The following GTPBP4 variants were observed in gnomAD, a reference collection of about 807,000 sequenced individuals.
GTPBP4 encodes GTP-binding protein 4.
Under a neutral mutation model 81.7 loss-of-function variants are expected in GTPBP4, and 15 were observed. The ratio of observed to expected loss-of-function variants is 0.18; its 90% confidence interval spans 0.12 to 0.28. The LOEUF (loss-of-function observed/expected upper bound fraction) is 0.28, where lower values mean the gene tolerates loss of function less well. Ranked by LOEUF, GTPBP4 falls within the 10% of genes least tolerant of loss-of-function variation. The pLI is 1.00. For missense variants in GTPBP4, 847 were observed against 793.8 expected (o/e 1.07, Z -0.81); for synonymous variants, 272 against 274.6 (o/e 0.99, Z 0.09).
intron 1 of GTPBP4, among the ~76,000 whole-genome samples, chr10:990,219 T>C (rs958387389): frequency 2.6e-5 from 4 of 152,200 alleles, no homozygotes; most frequent in African/African-American, 9.7e-5. Flanking sequence ...GAGTGAGATT[T>C]ATATTTTTAG....
In GTPBP4 at chr10:1,015,803, A is replaced by G; in HGVS notation, c.1659A>G (p.Arg553=). The G allele has an allele frequency of 6.2e-7, 1 of 1,614,158 alleles. No homozygotes were observed. Among genetic ancestry groups the G allele is most frequent in the Non-Finnish European group, 8.5e-7 (1 of 1,179,978 alleles). The part of the protein sequence containing the change: ...ARRSRSITRK[R]KREDSAPPSS... ...GATCCCGGAGCATCACTAGGAAAAG[A>G]AAGCGGGAAGACTCTGCTCCCCCGT... Residue 553 remains arginine, a synonymous_variant, in exon 16 of 17, where the codon AGA becomes AGG. Coordinates refer to ENST00000360803, the MANE Select transcript of GTPBP4 (RefSeq NM_012341.3).
At position 1,018,923 on chromosome 10, in the gene GTPBP4, A is replaced by G. The variant is rs1003508138; in HGVS notation, c.*1696A>G. 1 of 152,378 alleles carries G rather than the reference A, an allele frequency of 6.6e-6. No individual in the cohort carries two copies. The highest frequency in any genetic ancestry group is 1.5e-5 in the Non-Finnish European group (1 of 68,178). The allele number at this position is 152,378 out of a possible 1,614,324, so 9.4% of individuals were successfully genotyped here. A position where few individuals can be genotyped will look rare whatever the true frequency, so the allele number is the denominator to read the frequency against. The stretch of plus-strand genomic sequence containing the variant: ...AACAACAGTATGTTTTAAAGCAAGT[A>G]TGTCTTTATTTGTAAGCATATTACT... On this transcript the variant is annotated 3_prime_UTR_variant, in exon 17 of 17. Coordinates refer to ENST00000360803, the MANE Select transcript of GTPBP4 (RefSeq NM_012341.3).
Position 992,610 on chromosome 10 carries a change from A to G in GTPBP4, c.170A>G (p.Asn57Ser). 8.7e-6 allele frequency: 14 copies of G among 1,607,186 alleles called. No homozygotes were observed. Among genetic ancestry groups the G allele is most frequent in the Non-Finnish European group, 1.2e-5 (14 of 1,174,188 alleles). The stretch of plus-strand genomic sequence containing the variant: ...AGAAAAGTCAAATTTACTCAACAGA[A>G]TTACCATGATAGACTTTCACAAATT... ...YMRKVKFTQQ[N>S]YHDRLSQILT... The change falls in exon 2 of 17, where the codon AAT becomes AGT. Residue 57 changes from asparagine (N) to serine (S), a missense_variant. This residue lies in a region of GTPBP4 where 241 missense variants were observed against 216.3 expected (regional missense o/e 1.11). Coordinates refer to ENST00000360803, the MANE Select transcript of GTPBP4 (RefSeq NM_012341.3).
intron 1 of GTPBP4, among the ~76,000 whole-genome samples, chr10:989,611 C>G (rs1004954588): frequency 6.6e-6 from 1 of 152,202 alleles, no homozygotes; most frequent in Non-Finnish European, 1.5e-5. Context: ...ACGGGATGAG[C>G]TTGCCTTGGA....
intron 10 of GTPBP4, 133 bp downstream of exon 10, chr10:1,007,261 C>T (rs1831758992): frequency 1.6e-6 from 1 of 609,608 alleles, no homozygotes; most frequent in African/African-American, 1.8e-5. Flanking sequence ...TCAGTTTCAC[C>T]TTCTTGCTTA....
intron 10 of GTPBP4, chr10:1,008,089 G>A (rs1266231073): frequency 4.4e-6 from 2 of 455,556 alleles, no homozygotes; most frequent in Non-Finnish European, 8.8e-6. Flanking sequence ...ACATAGAAAG[G>A]CTTACCATTC....
chr10:1,016,286 G>A (rs1414438424), intron 16 of GTPBP4, among the ~76,000 whole-genome samples: 1 of 152,224 alleles, frequency 6.6e-6, no homozygotes, highest in Non-Finnish European at 1.5e-5. Flanking sequence ...GTTGATTGGC[G>A]GGTGATCCTG....
chr10:991,624 G>A (rs1422982966), intron 1 of GTPBP4, among the ~76,000 whole-genome samples: 1 of 149,098 alleles, frequency 6.7e-6, no homozygotes, highest in Non-Finnish European at 1.5e-5. Flanking sequence ...GATTATTTAA[G>A]TTTCAAAGGT....
intron 2 of GTPBP4, among the ~76,000 whole-genome samples, chr10:994,463 G>T (rs1375681675): frequency 4.0e-5 from 6 of 151,822 alleles, no homozygotes; most frequent in African/African-American, 1.5e-4. Flanking sequence ...TAGAGACGAG[G>T]TTTCTCCATG....
chr10:998,026 G>C (rs1589024760), intron 5 of GTPBP4, among the ~76,000 whole-genome samples: 1 of 152,076 alleles, frequency 6.6e-6, no homozygotes, highest in South Asian at 2.1e-4. Context: ...CCAAGAAAAT[G>C]GTCAAATTTT....
chr10:989,954 C>T (rs1294275388), intron 1 of GTPBP4, among the ~76,000 whole-genome samples: 4 of 152,162 alleles, frequency 2.6e-5, no homozygotes, highest in African/African-American at 9.7e-5. Context: ...CCAGACTGGT[C>T]TTGAACTCCT....
Position 1,005,921 on chromosome 10 carries a change from TAAGTC to T in GTPBP4, c.1002+16_1002+20del, listed in dbSNP as rs753475104. Reference sequence around the variant, plus strand: ...GTTAAAACAGAGGTCAGTGCTGCCTTAAGTCAGGTATTAGTCTTTTTACTGTCTCT... The same window carrying T: ...GTTAAAACAGAGGTCAGTGCTGCCTTAGGTATTAGTCTTTTTACTGTCTCT... On this transcript the variant is annotated intron_variant, in intron 9 of 16. Transcript: ENST00000360803. The T allele has an allele frequency of 3.0e-6, 4 of 1,330,088 alleles. No homozygotes were observed. The Admixed American group carries it at 8.2e-5, about 27-fold the overall frequency. 82.4% of individuals were successfully genotyped at this position (1,330,088 alleles called of 1,614,324 possible). A position where few individuals can be genotyped will look rare whatever the true frequency, so the allele number is the denominator to read the frequency against.
At position 1,019,440 on chromosome 10, in the gene GTPBP4, A is replaced by T. The variant is rs1267986471; in HGVS notation, c.*2213A>T. 2.6e-6 allele frequency: 3 copies of T among 1,164,582 alleles called. No individual in the cohort carries two copies. In the African/African-American group the frequency reaches 4.7e-5, roughly 18 times the overall value. The allele number at this position is 1,164,582 out of a possible 1,614,324, so 72.1% of individuals were successfully genotyped here. A position where few individuals can be genotyped will look rare whatever the true frequency, so the allele number is the denominator to read the frequency against. On this transcript the variant is annotated 3_prime_UTR_variant, in exon 17 of 17. Coordinates refer to ENST00000360803, the MANE Select transcript of GTPBP4 (RefSeq NM_012341.3). The stretch of plus-strand genomic sequence containing the variant: ...GCCCCTTTTGCCCTGTTTTTTGGAG[A>T]GGGTGTATCATTGCCTCAATGGTGC...
rs1006552138 is a variant in GTPBP4, at chr10:1,012,617, A to G, written c.1497A>G (p.Lys499=). ...EKKKLKILES[K]EKNTQGPRMP... is the part of the protein sequence containing the mutation. The stretch of plus-strand genomic sequence containing the variant: ...AGAAGTTGAAAATTCTGGAGTCCAA[A>G]GAAAAGAATACACAGGGACCCAGGA... Residue 499 remains lysine, a synonymous_variant, in exon 14 of 17, where the codon AAA becomes AAG. Transcript: ENST00000360803. The G allele has an allele frequency of 2.5e-6, 4 of 1,614,110 alleles. No individual in the cohort carries two copies.
At chr10:1,005,797 G>A (rs768924736) in intron 8 of GTPBP4, 21 bp from the exon 9 acceptor site, 32 of 1,387,734 alleles carry the variant, frequency 2.3e-5, no homozygotes, top group East Asian at 2.1e-4. Context: ...TACATCTCTC[G>A]TTTTTTCTTT....
chr10:1,017,325 AAAAGAC>A lies in GTPBP4; in HGVS notation c.*102_*107del. The A allele has an allele frequency of 9.0e-7, 1 of 1,114,880 alleles. No individual in the cohort carries two copies. Among genetic ancestry groups the A allele is most frequent in the African/African-American group, 1.6e-5 (1 of 64,376 alleles). The allele number at this position is 1,114,880 out of a possible 1,614,324, so 69.1% of individuals were successfully genotyped here. On this transcript the variant is annotated 3_prime_UTR_variant, in exon 17 of 17. Coordinates refer to ENST00000360803, the MANE Select transcript of GTPBP4 (RefSeq NM_012341.3). ...GAAATTGGAGCTCTGTATAAACTGA[AAAAGAC>A]AAAATAAGTAAAGCACTTGTTGCTT...
chr10:1,006,437 G>A (rs529801776), intron 9 of GTPBP4, among the ~76,000 whole-genome samples: 11 of 152,252 alleles, frequency 7.2e-5, no homozygotes, highest in African/African-American at 1.9e-4. Context: ...TCGGGAGTTC[G>A]AGACCAGCCT....
intron 12 of GTPBP4, among the ~76,000 whole-genome samples, chr10:1,010,007 A>C (rs59913866): frequency 6.6e-6 from 1 of 151,946 alleles, no homozygotes; most frequent in South Asian, 2.1e-4. Flanking sequence ...AGAAAGGTGC[A>C]TGCTGATAGC....
chr10:1,019,389 G>C lies in GTPBP4; in HGVS notation c.*2162G>C. 1 of 642,410 alleles carries C rather than the reference G, an allele frequency of 1.6e-6. No individual in the cohort carries two copies. The highest frequency in any genetic ancestry group is 2.7e-6 in the Non-Finnish European group (1 of 376,158). The allele number at this position is 642,410 out of a possible 1,614,324, so 39.8% of individuals were successfully genotyped here. A position where few individuals can be genotyped will look rare whatever the true frequency, so the allele number is the denominator to read the frequency against. On this transcript the variant is annotated 3_prime_UTR_variant, in exon 17 of 17. Transcript: ENST00000360803. ...AAGTTGATGAAAAGGTTGAAATAGT[G>C]ATTTATACATGATGGGCAATCAAGT...
Sources: allele counts gnomAD v4.1 joint callset (sites outside exome capture counted in the v4.1 genomes callset), GRCh38; gene constraint gnomAD v4.1.1; regional missense constraint gnomAD v4.1.1; transcripts MANE v1.5; gene names NCBI Gene and HGNC (gene_info 2026-07-23, HGNC 2026-07-21).